The following P3H2 variants were observed in gnomAD, a reference collection of about 807,000 sequenced individuals.
The protein encoded by P3H2 is prolyl 3-hydroxylase 2.
P3H2 carries 80 observed loss-of-function variants against 87.0 expected under a neutral mutation model. That is an observed-to-expected ratio of 0.92 (90% CI 0.77 to 1.11). The LOEUF is 1.11. P3H2 is among the 50% of genes least tolerant of loss of function. The pLI, the probability that P3H2 is intolerant of heterozygous loss-of-function variation, is 0.00. For missense variants in P3H2, 1,001 were observed against 923.9 expected, an observed-to-expected ratio of 1.08 and a Z score of -1.08; for synonymous variants, 367 against 359.3, an observed-to-expected ratio of 1.02 and a Z score of -0.24.
chr3:190,085,450 A>G (rs1727180032), intron 1 of P3H2, among the ~76,000 whole-genome samples: 1 of 152,256 alleles, frequency 6.6e-6, no homozygotes, highest in African/African-American at 2.4e-5. Flanking sequence ...CAAAGCAGGA[A>G]AAGGATCGAT....
chr3:189,979,480 T>C (rs1723458070), intron 8 of P3H2, among the ~76,000 whole-genome samples: 1 of 152,064 alleles, frequency 6.6e-6, no homozygotes, highest in Non-Finnish European at 1.5e-5. Context: ...AAACAGTTAC[T>C]ATCCTTCTTT....
chr3:189,969,905 T>G (rs73184324), intron 13 of P3H2: 66,181 of 896,986 alleles, frequency 0.074, 3,195 homozygotes, highest in Non-Finnish European at 0.099. Flanking sequence ...CACTCGGGAC[T>G]AAGGGAATGA....
intron 8 of P3H2, among the ~76,000 whole-genome samples, chr3:189,981,576 G>A (rs1723536260): frequency 6.6e-6 from 1 of 152,078 alleles, no homozygotes; most frequent in Non-Finnish European, 1.5e-5. Context: ...AGACAATTCT[G>A]TGGAAATGGT....
At chr3:190,038,486 G>GAAAAAAA (rs57971408) in intron 1 of P3H2, among the ~76,000 whole-genome samples, 39 of 92,538 alleles carry the variant, frequency 4.2e-4, no homozygotes, top group Non-Finnish European at 5.0e-4. Context: ...ACTGCAGAAT[G>GAAAAAAA]AAAAAAAAAA....
chr3:190,038,147 G>C (rs1228107090), intron 1 of P3H2, among the ~76,000 whole-genome samples: 1 of 150,912 alleles, frequency 6.6e-6, no homozygotes, highest in Non-Finnish European at 1.5e-5. Flanking sequence ...CTTATCTACT[G>C]TGCCTAACAC....
intron 13 of P3H2, chr3:189,969,705 C>A: frequency 7.0e-7 from 1 of 1,425,552 alleles, no homozygotes; most frequent in Non-Finnish European, 9.9e-7. Flanking sequence ...ACACAATCAA[C>A]ATTTTTTATC....
At chr3:189,958,492 T>G (rs1722706592) in intron 14 of P3H2, among the ~76,000 whole-genome samples, 1 of 152,058 alleles carries the variant, frequency 6.6e-6, no homozygotes, top group Admixed American at 6.5e-5. Flanking sequence ...TGCCGGAGTT[T>G]AGGTCAGGGT....
At chr3:190,007,986 A>ATATATATATATATG (rs1560359925) in intron 1 of P3H2, among the ~76,000 whole-genome samples, 12 of 141,618 alleles carry the variant, frequency 8.5e-5, no homozygotes, top group African/African-American at 2.9e-4. Context: ...ATATATATAT[A>ATATATATATATATG]GTAAACTTCA....
intron 13 of P3H2, chr3:189,969,639 G>T: frequency 8.4e-7 from 1 of 1,187,602 alleles, no homozygotes; most frequent in Non-Finnish European, 1.3e-6. Flanking sequence ...ATGGTCGCCT[G>T]GTAGTTGACC....
At chr3:190,053,492 C>A (rs1278929899) in intron 1 of P3H2, among the ~76,000 whole-genome samples, 2 of 149,804 alleles carry the variant, frequency 1.3e-5, no homozygotes, top group Non-Finnish European at 3.0e-5. Context: ...CTCTTGTCAC[C>A]CAGGCCCCAG....
At chr3:190,015,575 C>T (rs565790626) in intron 1 of P3H2, among the ~76,000 whole-genome samples, 1 of 152,278 alleles carries the variant, frequency 6.6e-6, no homozygotes, top group African/African-American at 2.4e-5. Flanking sequence ...CCTCAATCAT[C>T]TTCTTTCGAC....
intron 1 of P3H2, among the ~76,000 whole-genome samples, chr3:189,999,789 G>A (rs778822913): frequency 5.9e-5 from 9 of 152,190 alleles, no homozygotes; most frequent in African/African-American, 1.2e-4. Flanking sequence ...GTTTAGGGGA[G>A]GCCACTGAGA....
At chr3:190,051,959 G>T (rs1359780952) in intron 1 of P3H2, among the ~76,000 whole-genome samples, 1 of 152,142 alleles carries the variant, frequency 6.6e-6, no homozygotes, top group Non-Finnish European at 1.5e-5. Context: ...CCAGGAGTCA[G>T]ACCTTCTAAA....
Position 189,987,533 on chromosome 3 carries a change from G to GGCCTCAAT in P3H2, c.1084_1091dup (p.Arg365LeufsTer7). The stretch of plus-strand genomic sequence containing the variant: ...TTCAAAACATTGGTCTCACCTCTCT[G>GGCCTCAAT]GCCTCAATGGATGCCGGGTCAATGC... On this transcript the variant is annotated frameshift_variant, in exon 5 of 15. Coordinates refer to ENST00000319332, the MANE Select transcript of P3H2 (RefSeq NM_018192.4). LOFTEE classifies it high-confidence loss of function. 1 of 1,613,186 alleles carries GGCCTCAAT rather than the reference G, an allele frequency of 6.2e-7. No homozygotes were observed. The highest frequency in any genetic ancestry group is 2.2e-5 in the East Asian group (1 of 44,848).
intron 1 of P3H2, among the ~76,000 whole-genome samples, chr3:190,011,018 A>G (rs893942737): frequency 6.6e-6 from 1 of 152,032 alleles, no homozygotes; most frequent in Non-Finnish European, 1.5e-5. Context: ...TTAAGAAAAA[A>G]TATAGTTCCT....
chr3:190,060,701 C>T (rs1302935117), intron 1 of P3H2, among the ~76,000 whole-genome samples: 1 of 152,096 alleles, frequency 6.6e-6, no homozygotes, highest in East Asian at 1.9e-4. Context: ...TCACATCAAA[C>T]TATAATTTGG....
Position 190,120,878 on chromosome 3 carries a change from C to T in P3H2, c.-147G>A, listed in dbSNP as rs1022014304. The stretch of plus-strand genomic sequence containing the variant: ...TCCGCGAGCCCCAGGTGACCGCCGG[C>T]GCTCCGCGTACTGAGAGGCGGAGGC... On this transcript the variant is annotated 5_prime_UTR_variant, in exon 1 of 15. Transcript: ENST00000319332. The T allele has an allele frequency of 2.6e-5, 34 of 1,304,004 alleles. No individual in the cohort carries two copies. Among genetic ancestry groups the T allele is most frequent in the Non-Finnish European group, 3.3e-5 (33 of 996,490 alleles). 80.8% of individuals were successfully genotyped at this position (1,304,004 alleles called of 1,614,324 possible). A position where few individuals can be genotyped will look rare whatever the true frequency, so the allele number is the denominator to read the frequency against.
intron 1 of P3H2, among the ~76,000 whole-genome samples, chr3:190,065,274 C>G (rs143094428): frequency 6.6e-6 from 1 of 152,152 alleles, no homozygotes; most frequent in Non-Finnish European, 1.5e-5. Context: ...GCAGGTGATA[C>G]ATGCCATTCC....
chr3:189,999,273 A>C (rs1217100153), intron 1 of P3H2, among the ~76,000 whole-genome samples: 2 of 152,200 alleles, frequency 1.3e-5, no homozygotes, highest in Non-Finnish European at 2.9e-5. Flanking sequence ...AGAATTGAAG[A>C]TACTACAATC....
Sources: gnomAD v4.1 joint callset for allele counts (sites outside exome capture counted in the v4.1 genomes callset) on GRCh38, gnomAD v4.1.1 for gene constraint, MANE v1.5 for transcripts, NCBI Gene and HGNC (gene_info 2026-07-23, HGNC 2026-07-21) for gene names.